ANGPTL5: variants seen among roughly 807,000 people sequenced by gnomAD.
The protein encoded by ANGPTL5 is angiopoietin like 5, also known as angiopoietin-related protein 5.
A neutral mutation model predicts 39.4 loss-of-function variants in ANGPTL5; 34 were observed. The ratio of observed to expected loss-of-function variants is 0.86; its 90% CI spans 0.66 to 1.15. The LOEUF (loss-of-function observed/expected upper bound fraction) is 1.15, where lower values mean the gene tolerates loss of function less well. Ranked by LOEUF, ANGPTL5 falls within the 50% of genes most tolerant of loss-of-function variation. The pLI is 0.00. For synonymous variants in ANGPTL5, 146 were observed against 152.1 expected (o/e 0.96, Z 0.29); for missense variants, 467 against 457.5 (o/e 1.02, Z -0.19).
At chr11:101,901,968 TAC>T (rs1223102079) in intron 6 of ANGPTL5, among the ~76,000 whole-genome samples, 1 of 151,772 alleles carries the variant, frequency 6.6e-6, no homozygotes, top group East Asian at 1.9e-4. Flanking sequence ...TGTGTATATA[TAC>T]ACACACACAT....
rs563940682 is a variant in ANGPTL5, at chr11:101,907,300, A to G, written c.97-53T>C. Reference sequence around the variant, plus strand: ...AAAAATACATTAAACATGTTATATGACCTAATACATAATAAAAAAGACTAT... The same window carrying G: ...AAAAATACATTAAACATGTTATATGGCCTAATACATAATAAAAAAGACTAT... On this transcript the variant is annotated intron_variant, in intron 2 of 8. Transcript: ENST00000334289. 3.5e-4 allele frequency: 386 copies of G among 1,111,086 alleles called. 3 individuals carry two copies. In the African/African-American group the frequency reaches 5.5e-3, roughly 16 times the overall value. 68.8% of individuals were successfully genotyped at this position (1,111,086 alleles called of 1,614,324 possible).
At position 101,903,891 on chromosome 11, in the gene ANGPTL5, T is replaced by A. The variant is rs559838351; in HGVS notation, c.439+923A>T. The stretch of plus-strand genomic sequence containing the variant: ...CTGCCTGTGATTCGGGCATTTTTTT[T>A]ATTTCCTTGTGATAAACATTTGATT... On this transcript the variant is annotated intron_variant, in intron 5 of 8. Coordinates refer to ENST00000334289, the MANE Select transcript of ANGPTL5 (RefSeq NM_178127.5). Among the ~76,000 whole-genome samples, 138 of 112,068 alleles carry A rather than the reference T, an allele frequency of 1.2e-3. 1 individual carries two copies. The East Asian group carries it at 0.056, about 45-fold the overall frequency. The allele number at this position is 112,068 out of a possible 152,430, so 73.5% of individuals were successfully genotyped here.
chr11:101,907,127 G>A lies in ANGPTL5; in HGVS notation c.217C>T (p.Arg73Ter), dbSNP rs140984722. The A allele has an allele frequency of 6.4e-5, 101 of 1,580,886 alleles. No individual in the cohort carries two copies. The East Asian group carries it at 1.2e-3, about 18-fold the overall frequency. Reference protein sequence around the residue: ...ESCDVKTKITREEKHFMCRNL... With the variant: ...ESCDVKTKIT ...CTACACATGAAATGTTTTTCTTCTC[G>A]TGTAATTTTAGTTTTAACATCACAT... Residue 73 changes from arginine to a stop codon, truncating the protein, a stop_gained, in exon 3 of 9, where the codon CGA becomes TGA. Transcript: ENST00000334289. LOFTEE classifies it high-confidence loss of function.
chr11:101,911,085 T>C (rs1384140869), intron 1 of ANGPTL5, among the ~76,000 whole-genome samples: 2 of 123,996 alleles, frequency 1.6e-5, no homozygotes, highest in Admixed American at 9.5e-5. Flanking sequence ...CCTGCATCCC[T>C]ACCCAAATCT....
In ANGPTL5 at chr11:101,891,303, T is replaced by C; in HGVS notation, c.1143A>G (p.Arg381=). Reference sequence around the variant, plus strand: ...ATTATTTAAAATATGGATTGTACATTCTTCTAATTTTCATTGAAACAGATT... The same window carrying C: ...ATTATTTAAAATATGGATTGTACATCCTTCTAATTTTCATTGAAACAGATT... The part of the protein sequence containing the change: ...KIKSVSMKIR[R]MYNPYFK Residue 381 remains arginine, a synonymous_variant, in exon 9 of 9, where the codon AGA becomes AGG. Transcript: ENST00000334289. 6.2e-7 allele frequency: 1 copy of C among 1,612,478 alleles called. No homozygotes were observed. The highest frequency in any genetic ancestry group is 8.5e-7 in the Non-Finnish European group (1 of 1,178,512).
At chr11:101,901,308 T>C (rs936802376) in intron 6 of ANGPTL5, among the ~76,000 whole-genome samples, 5 of 149,334 alleles carry the variant, frequency 3.3e-5, no homozygotes, top group African/African-American at 9.7e-5. Flanking sequence ...ATTAAAACAC[T>C]GGGGGTGGGG....
intron 6 of ANGPTL5, among the ~76,000 whole-genome samples, chr11:101,902,352 T>C (rs1453214577): frequency 6.6e-6 from 1 of 152,164 alleles, no homozygotes; most frequent in Admixed American, 6.5e-5. Flanking sequence ...TACAAGCTTT[T>C]GCATCACATG....
At chr11:101,894,725 A>G (rs1939760036) in intron 8 of ANGPTL5, among the ~76,000 whole-genome samples, 154 bp downstream of exon 8, 1 of 152,220 alleles carries the variant, frequency 6.6e-6, no homozygotes, top group South Asian at 2.1e-4. Flanking sequence ...CAAAGTTTCA[A>G]AACTCAAGAC....
At chr11:101,899,839 T>C (rs1462390774) in intron 7 of ANGPTL5, among the ~76,000 whole-genome samples, 1 of 152,238 alleles carries the variant, frequency 6.6e-6, no homozygotes, top group Non-Finnish European at 1.5e-5. Flanking sequence ...TTCCAATTAA[T>C]GTAAAATTCT....
chr11:101,904,303 A>T (rs192279687), intron 5 of ANGPTL5, among the ~76,000 whole-genome samples: 7 of 152,274 alleles, frequency 4.6e-5, no homozygotes, highest in Admixed American at 1.3e-4. Context: ...TATAAGATTT[A>T]TAGGGTATTT....
intron 6 of ANGPTL5, among the ~76,000 whole-genome samples, chr11:101,902,411 AGAC>A (rs1939919739): frequency 6.6e-6 from 1 of 152,212 alleles, no homozygotes; most frequent in African/African-American, 2.4e-5. Flanking sequence ...GAAAAGTGAA[AGAC>A]AGACTCTAGC....
intron 7 of ANGPTL5, among the ~76,000 whole-genome samples, chr11:101,896,515 C>T (rs552044868): frequency 6.6e-5 from 10 of 152,168 alleles, no homozygotes; most frequent in African/African-American, 2.4e-4. Flanking sequence ...CTAGCCCCCA[C>T]CCCCTGACAG....
rs780860743 is a variant in ANGPTL5 at position 101,891,399 on chromosome 11, G to T, written c.1047C>A (p.Phe349Leu). ...GLANLNGIHH[F>L]SGKLLATGIQ... is the part of the protein sequence containing the mutation. ...TTCCAGTTGCAAGCAATTTTCCAGA[G>T]AAGTGATGAATGCCATTTAGATTTG... The change falls in exon 9 of 9, where the codon TTC becomes TTA. Residue 349 changes from phenylalanine to leucine, a missense_variant. Transcript: ENST00000334289. 6.2e-7 allele frequency: 1 copy of T among 1,613,992 alleles called. No homozygotes were observed. The highest frequency in any genetic ancestry group is 1.1e-5 in the South Asian group (1 of 91,080).
chr11:101,896,151 A>G (rs1024382830), intron 7 of ANGPTL5, among the ~76,000 whole-genome samples: 8 of 144,286 alleles, frequency 5.5e-5, no homozygotes, highest in Non-Finnish European at 1.2e-4. Flanking sequence ...ATTTTCTGTA[A>G]TCCTATATTT....
chr11:101,910,313 G>A (rs12787877), intron 1 of ANGPTL5, among the ~76,000 whole-genome samples: 49,430 of 150,978 alleles, frequency 0.33, 8,831 homozygotes, highest in East Asian at 0.46. Flanking sequence ...AGGAGCCTGA[G>A]GCAGGAGGAT....
In ANGPTL5 at chr11:101,898,129, A is replaced by G. The variant is rs182850282; in HGVS notation, c.661+2301T>C. Among the ~76,000 whole-genome samples, 127 of 152,256 alleles carry G rather than the reference A, an allele frequency of 8.3e-4. 1 individual carries two copies. The highest frequency in any genetic ancestry group is 2.9e-3 in the African/African-American group (122 of 41,538). ...TCCCAACTACTCGGGAGGCTGAGGC[A>G]GGAGAATCGCTTGAACCCAGCAGGC... On this transcript the variant is annotated intron_variant, in intron 7 of 8. Coordinates refer to ENST00000334289, the MANE Select transcript of ANGPTL5 (RefSeq NM_178127.5).
intron 1 of ANGPTL5, chr11:101,915,030 G>A (rs1940167366): frequency 2.3e-6 from 1 of 431,790 alleles, no homozygotes; most frequent in Non-Finnish European, 4.1e-6. Flanking sequence ...TTGTTGTCAA[G>A]ATGGCGGCTG....
chr11:101,908,161 C>A (rs1940029988), intron 1 of ANGPTL5, among the ~76,000 whole-genome samples, 160 bp from the exon 2 acceptor site: 1 of 151,864 alleles, frequency 6.6e-6, no homozygotes, highest in Non-Finnish European at 1.5e-5. Flanking sequence ...TATTATAAAT[C>A]CAAGCTTTTG....
At chr11:101,904,346 T>C (rs1032360391) in intron 5 of ANGPTL5, among the ~76,000 whole-genome samples, 1 of 152,296 alleles carries the variant, frequency 6.6e-6, no homozygotes, top group Middle Eastern at 3.4e-3. Flanking sequence ...GGAATTAATA[T>C]GCTGTATTTT....
Sources: gnomAD v4.1 joint callset for allele counts (sites outside exome capture counted in the v4.1 genomes callset) on GRCh38, gnomAD v4.1.1 for gene constraint, MANE v1.5 for transcripts, NCBI Gene and HGNC (gene_info 2026-07-23, HGNC 2026-07-21) for gene names.